KCND2: variants seen among roughly 807,000 people sequenced by gnomAD.
KCND2 encodes the protein A-type voltage-gated potassium channel KCND2.
KCND2 carries 16 observed loss-of-function variants against 54.4 expected under a neutral mutation model. That is an observed-to-expected ratio of 0.29 (90% CI 0.20 to 0.45). The LOEUF (loss-of-function observed/expected upper bound fraction) is 0.45, where lower values mean the gene tolerates loss of function less well. Among genes scored for constraint, KCND2 ranks in the 20% least tolerant of loss-of-function variants. The pLI, the probability that KCND2 is intolerant of heterozygous loss-of-function variation, is 1.00. For synonymous variants in KCND2, 317 were observed against 310.7 expected (o/e 1.02, Z -0.21); for missense variants, 486 against 824.2 (o/e 0.59, Z 5.02).
intron 1 of KCND2, among the ~76,000 whole-genome samples, chr7:120,633,949 T>C (rs1793270789): frequency 6.6e-6 from 1 of 152,194 alleles, no homozygotes; most frequent in Non-Finnish European, 1.5e-5. Context: ...TTGGCAAATA[T>C]TTTAAAGCTC....
At chr7:120,694,677 C>T (rs1792312239) in intron 1 of KCND2, among the ~76,000 whole-genome samples, 1 of 152,132 alleles carries the variant, frequency 6.6e-6, no homozygotes, top group Admixed American at 6.5e-5. Context: ...CCAATGATGC[C>T]TACCACACTC....
At chr7:120,371,154 G>A (rs570814961) in intron 1 of KCND2, among the ~76,000 whole-genome samples, 116 of 152,118 alleles carry the variant, frequency 7.6e-4, no homozygotes, top group African/African-American at 2.7e-3. Flanking sequence ...TAGACAGAAT[G>A]TGCCTCTGCC....
At chr7:120,452,167 C>T (rs1195838787) in intron 1 of KCND2, among the ~76,000 whole-genome samples, 5 of 152,152 alleles carry the variant, frequency 3.3e-5, no homozygotes, top group Non-Finnish European at 7.3e-5. Context: ...AGCTATCAAG[C>T]GTAGTGACTT....
intron 1 of KCND2, among the ~76,000 whole-genome samples, chr7:120,360,535 G>A (rs556822671): frequency 1.3e-5 from 2 of 152,172 alleles, no homozygotes; most frequent in East Asian, 3.9e-4. Context: ...TCTGTAAAAA[G>A]ATTAAGCCTT....
chr7:120,641,948 A>G (rs1793382179), intron 1 of KCND2, among the ~76,000 whole-genome samples: 1 of 152,066 alleles, frequency 6.6e-6, no homozygotes, highest in Non-Finnish European at 1.5e-5. Flanking sequence ...TAACAAGATT[A>G]GAGCTCTAAG....
At chr7:120,510,211 A>C (rs974954638) in intron 1 of KCND2, among the ~76,000 whole-genome samples, 3 of 152,128 alleles carry the variant, frequency 2.0e-5, no homozygotes, top group African/African-American at 7.2e-5. Flanking sequence ...TAGCTGTCAG[A>C]GACACTAGAT....
chr7:120,543,989 C>G (rs1210751846), intron 1 of KCND2, among the ~76,000 whole-genome samples: 1 of 151,898 alleles, frequency 6.6e-6, no homozygotes, highest in Admixed American at 6.6e-5. Flanking sequence ...AGAGAATAGA[C>G]ATGGAAATTA....
chr7:120,620,894 T>C (rs1584857194), intron 1 of KCND2, among the ~76,000 whole-genome samples: 1 of 152,132 alleles, frequency 6.6e-6, no homozygotes, highest in East Asian at 1.9e-4. Context: ...TTAGAAAATA[T>C]AATTTAAAGG....
intron 2 of KCND2, among the ~76,000 whole-genome samples, chr7:120,735,015 A>G (rs1792853394): frequency 6.6e-6 from 1 of 152,068 alleles, no homozygotes; most frequent in Non-Finnish European, 1.5e-5. Flanking sequence ...ATTTATGCCC[A>G]CTGTCAAAGA....
chr7:120,473,332 ATG>A, intron 1 of KCND2, among the ~76,000 whole-genome samples: 1 of 152,190 alleles, frequency 6.6e-6, no homozygotes, highest in East Asian at 1.9e-4. Flanking sequence ...ACAGGAAATA[ATG>A]TGTCTGGTGA....
At chr7:120,298,861 G>A (rs1202360345) in intron 1 of KCND2, among the ~76,000 whole-genome samples, 1 of 152,140 alleles carries the variant, frequency 6.6e-6, no homozygotes, top group Non-Finnish European at 1.5e-5. Context: ...TGTAAGTAAA[G>A]AAATTGAGAA....
intron 1 of KCND2, among the ~76,000 whole-genome samples, chr7:120,643,984 A>G (rs1319110688): frequency 6.6e-6 from 1 of 151,868 alleles, no homozygotes; most frequent in Non-Finnish European, 1.5e-5. Flanking sequence ...ATCTAGGTTT[A>G]TTTCCTCATA....
intron 1 of KCND2, among the ~76,000 whole-genome samples, chr7:120,344,764 G>A (rs1800289739): frequency 6.6e-6 from 1 of 152,148 alleles, no homozygotes; most frequent in African/African-American, 2.4e-5. Context: ...TCTCTGAGAG[G>A]AACTTATTTT....
chr7:120,595,479 A>ATG (rs1554373359), intron 1 of KCND2, among the ~76,000 whole-genome samples: 7 of 30,928 alleles, frequency 2.3e-4, no homozygotes, highest in Admixed American at 1.9e-3. Context: ...ATATATATAT[A>ATG]TGTGTATATA....
chr7:120,403,726 G>T (rs1801306396), intron 1 of KCND2, among the ~76,000 whole-genome samples: 1 of 151,696 alleles, frequency 6.6e-6, no homozygotes, highest in African/African-American at 2.4e-5. Flanking sequence ...AAATAATTTT[G>T]GGGAAGAAAA....
At chr7:120,350,588 G>C (rs944573130) in intron 1 of KCND2, among the ~76,000 whole-genome samples, 29 of 152,244 alleles carry the variant, frequency 1.9e-4, no homozygotes, top group African/African-American at 6.7e-4. Flanking sequence ...TGGAAAAGTT[G>C]ATATGTATTA....
chr7:120,602,055 G>A lies in KCND2; in HGVS notation c.1116-130848G>A, dbSNP rs531033586. ...ATCATTAGCTATTGCTCTTCCCTAC[G>A]AACTGAAAAAAAGCTGCAGACTTCC... On this transcript the variant is annotated intron_variant, in intron 1 of 5. Transcript: ENST00000331113. Among the ~76,000 whole-genome samples the A allele has an allele frequency of 2.1e-4, 32 of 152,166 alleles. No individual in the cohort carries two copies. In the East Asian group the frequency reaches 5.2e-3, roughly 25 times the overall value.
intron 1 of KCND2, among the ~76,000 whole-genome samples, chr7:120,595,614 C>A: frequency 1.8e-5 from 1 of 56,544 alleles, no homozygotes; most frequent in Non-Finnish European, 5.0e-5. Flanking sequence ...TATATATATA[C>A]ACCAGAACTT....
intron 3 of KCND2, chr7:120,742,297 GA>G (rs1438645397): frequency 1.8e-6 from 1 of 541,474 alleles, no homozygotes; most frequent in African/African-American, 1.9e-5. Context: ...TCAATTCAAG[GA>G]GGCATGTCTA....
Sources: allele counts gnomAD v4.1 joint callset (sites outside exome capture counted in the v4.1 genomes callset), GRCh38; gene constraint gnomAD v4.1.1; transcripts MANE v1.5; gene names NCBI Gene and HGNC (gene_info 2026-07-23, HGNC 2026-07-21).